RS1: variants seen among roughly 807,000 people sequenced by gnomAD.
RS1 encodes retinoschisin.
In RS1, 2 loss-of-function variants were observed where a neutral mutation model predicts 20.8. That is an observed-to-expected ratio of 0.10 (90% CI 0.04 to 0.30). The LOEUF (loss-of-function observed/expected upper bound fraction) is 0.30, where lower values mean the gene tolerates loss of function less well. Among genes scored for constraint, RS1 ranks in the 10% least tolerant of loss-of-function variants. RS1 has a pLI of 1.00. For missense variants in RS1, 151 were observed against 189.8 expected, an observed-to-expected ratio of 0.80 and a Z score of 1.20; for synonymous variants, 70 against 75.8, an observed-to-expected ratio of 0.92 and a Z score of 0.40.
intron 1 of RS1, among the ~76,000 whole-genome samples, chrX:18,670,991 C>G (rs1257832072): frequency 2.7e-5 from 3 of 111,974 alleles, no homozygotes; most frequent in East Asian, 5.6e-4. Context: ...AAACCCCTCT[C>G]TACAAGAAAT....
At position 18,657,243 on chromosome X, in the gene RS1, CAG is replaced by C. The variant is rs1206528426; in HGVS notation, c.78+395_78+396del. On this transcript the variant is annotated intron_variant, in intron 2 of 5. Coordinates refer to ENST00000379984, the MANE Select transcript of RS1 (RefSeq NM_000330.4). ...TTTTTTTTTTTTTTTTTTTTTGAGA[CAG>C]AGTCTCGCTTTGTCACCCAGGCTGG... Among the ~76,000 whole-genome samples, 38 of 15,834 alleles carry C rather than the reference CAG, an allele frequency of 2.4e-3. 1 individual carries two copies. Among genetic ancestry groups the C allele is most frequent in the African/African-American group, 7.0e-3 (36 of 5,121 alleles). 13.7% of individuals were successfully genotyped at this position (15,834 alleles called of 115,157 possible).
chrX:18,651,204 G>T (rs1182911159), intron 3 of RS1, among the ~76,000 whole-genome samples: 1 of 87,885 alleles, frequency 1.1e-5, no homozygotes, highest in African/African-American at 4.5e-5. Flanking sequence ...GGCTGTCCTT[G>T]CCCCAGGCAG....
At chrX:18,659,737 C>T (rs1240537726) in intron 1 of RS1, among the ~76,000 whole-genome samples, 1 of 111,538 alleles carries the variant, frequency 9.0e-6, no homozygotes, top group Non-Finnish European at 1.9e-5. Context: ...TCTCTCTGAC[C>T]TGCTCCTGCC....
chrX:18,645,874 G>C, intron 4 of RS1: 1 of 960,215 alleles, frequency 1.0e-6, no homozygotes, highest in South Asian at 2.1e-5. Flanking sequence ...AGTCTCCCTT[G>C]CAACTAGATG....
chrX:18,671,077 T>G (rs1345643854), intron 1 of RS1, among the ~76,000 whole-genome samples: 1 of 112,096 alleles, frequency 8.9e-6, no homozygotes, highest in Non-Finnish European at 1.9e-5. Context: ...GAGGATGGCT[T>G]GAGCCTGGGA....
At chrX:18,657,894 G>A (rs1012848732) in intron 1 of RS1, among the ~76,000 whole-genome samples, 2 of 111,885 alleles carry the variant, frequency 1.8e-5, no homozygotes, top group South Asian at 3.7e-4. Context: ...TTATAGGGCC[G>A]GTGCAGCGGC....
intron 2 of RS1, 85 bp from the exon 3 acceptor site, chrX:18,656,843 T>G: frequency 1.4e-6 from 1 of 738,379 alleles, no homozygotes; most frequent in Non-Finnish European, 2.1e-6. Flanking sequence ...CACTCAGTCC[T>G]TATGCATCGT....
intron 3 of RS1, chrX:18,650,180 C>A (rs1207515174): frequency 4.4e-6 from 2 of 452,749 alleles, no homozygotes; most frequent in Non-Finnish European, 7.8e-6. Flanking sequence ...TGCAGGGGTA[C>A]CTGGCCAGGG....
chrX:18,660,131 A>G (rs993703972), intron 1 of RS1, among the ~76,000 whole-genome samples: 38 of 111,543 alleles, frequency 3.4e-4, no homozygotes, highest in Non-Finnish European at 5.6e-5. Context: ...CTTATTAAAT[A>G]AGTATGGATG....
chrX:18,659,010 A>G (rs1271031361), intron 1 of RS1, among the ~76,000 whole-genome samples: 1 of 111,655 alleles, frequency 9.0e-6, no homozygotes, highest in Admixed American at 9.6e-5. Context: ...AAAGTGTGCA[A>G]AATTTAACAT....
At chrX:18,654,047 T>C (rs1372173805) in intron 3 of RS1, among the ~76,000 whole-genome samples, 3 of 111,018 alleles carry the variant, frequency 2.7e-5, no homozygotes. Flanking sequence ...TAAAAGAATT[T>C]CTAATTTTAG....
At chrX:18,670,639 G>T (rs951034015) in intron 1 of RS1, among the ~76,000 whole-genome samples, 1 of 111,664 alleles carries the variant, frequency 9.0e-6, no homozygotes, top group Middle Eastern at 4.6e-3. Context: ...AGAAATCCGA[G>T]AGTGAGCCCT....
intron 1 of RS1, among the ~76,000 whole-genome samples, chrX:18,667,952 C>G (rs1928431217): frequency 9.0e-6 from 1 of 111,305 alleles, no homozygotes; most frequent in African/African-American, 3.3e-5. Flanking sequence ...TGCTGCAGTC[C>G]CACACAATGA....
At chrX:18,650,286 C>T (rs1012900852) in intron 3 of RS1, 26 of 612,377 alleles carry the variant, frequency 4.2e-5, no homozygotes, top group Middle Eastern at 8.8e-4. Context: ...GACGTGGATG[C>T]TGTACTTACT....
intron 3 of RS1, chrX:18,647,678 A>G (rs1295441485): frequency 2.1e-5 from 5 of 242,841 alleles, no homozygotes; most frequent in Non-Finnish European, 3.7e-5. Flanking sequence ...GTGCACAGTG[A>G]AATACCATAT....
chrX:18,661,003 G>T (rs764509273), intron 1 of RS1, among the ~76,000 whole-genome samples: 1 of 111,975 alleles, frequency 8.9e-6, no homozygotes, highest in Non-Finnish European at 1.9e-5. Context: ...TGTTCCACTG[G>T]TTACTCACCC....
At chrX:18,644,105 G>A (rs1804312502) in intron 5 of RS1, among the ~76,000 whole-genome samples, 1 of 111,910 alleles carries the variant, frequency 8.9e-6, no homozygotes, top group South Asian at 3.7e-4. Context: ...GACCATACCC[G>A]TGAAGCAAAG....
chrX:18,645,664 T>C (rs997269324), intron 4 of RS1, among the ~76,000 whole-genome samples: 7 of 110,917 alleles, frequency 6.3e-5, no homozygotes, highest in Non-Finnish European at 1.1e-4. Context: ...TCAACTACTC[T>C]CCCTGGATTG....
intron 3 of RS1, among the ~76,000 whole-genome samples, chrX:18,651,218 CAA>C (rs1325690855): frequency 7.0e-5 from 4 of 57,410 alleles, no homozygotes; most frequent in Non-Finnish European, 9.3e-5. Flanking sequence ...CAGGCAGGAG[CAA>C]GTGTGTGTGT....
Sources: gnomAD v4.1 joint callset for allele counts (sites outside exome capture counted in the v4.1 genomes callset) on GRCh38, gnomAD v4.1.1 for gene constraint, MANE v1.5 for transcripts, NCBI Gene and HGNC (gene_info 2026-07-23, HGNC 2026-07-21) for gene names.